FCHO1: variants seen among roughly 807,000 people sequenced by gnomAD.
FCHO1 encodes the protein F-BAR domain only protein 1.
Under a neutral mutation model 114.4 loss-of-function variants are expected in FCHO1, and 45 were observed. The observed-to-expected ratio is 0.39, with a 90% confidence interval of 0.31 to 0.50. The LOEUF is 0.50. Among genes scored for constraint, FCHO1 ranks in the 20% least tolerant of loss-of-function variants. The pLI, the probability that FCHO1 is intolerant of heterozygous loss-of-function variation, is 0.77. For synonymous variants in FCHO1, 480 were observed against 488.9 expected, an observed-to-expected ratio of 0.98 and a Z score of 0.24; for missense variants, 1,042 against 1,209.6, an observed-to-expected ratio of 0.86 and a Z score of 2.06.
At chr19:17,786,262 G>A (rs891935016) in intron 26 of FCHO1, among the ~76,000 whole-genome samples, 2 of 152,148 alleles carry the variant, frequency 1.3e-5, no homozygotes, top group East Asian at 3.8e-4. Context: ...GAACCCAGGA[G>A]GCATAGGCTG....
rs1599671807 is a variant in FCHO1, at chr19:17,770,668, TCCTGGAA to T, written c.489+96_489+102del. On this transcript the variant is annotated intron_variant, in intron 8 of 28. Transcript: ENST00000596536. The stretch of plus-strand genomic sequence containing the variant: ...GTGGAAACACATCCCAGAGCGACGG[TCCTGGAA>T]CCTGTGGGTGATCACACCCTGGGTA... The T allele has an allele frequency of 7.0e-6, 11 of 1,578,460 alleles. No individual in the cohort carries two copies. The East Asian group carries it at 2.5e-4, about 35-fold the overall frequency.
chr19:17,770,894 C>T lies in FCHO1; in HGVS notation c.592C>T (p.Leu198=), dbSNP rs1331567730. ...TGAGCAGAAGATGCTGGACTCAGCC[C>T]TGGTAAGAACCAGGCATCTGTACCT... ...DFEQKMLDSA[L]RFQAMEETHL... The change falls in exon 9 of 29, where the codon CTG becomes TTG. Residue 198 remains leucine (L), a splice_region_variant and synonymous_variant. Transcript: ENST00000596536. 3.1e-6 allele frequency: 5 copies of T among 1,613,464 alleles called. No homozygotes were observed. The highest frequency in any genetic ancestry group is 4.2e-6 in the Non-Finnish European group (5 of 1,179,734).
At chr19:17,781,374 TG>T in intron 21 of FCHO1, 31 bp downstream of exon 21, 1 of 1,609,026 alleles carries the variant, frequency 6.2e-7, no homozygotes, top group Non-Finnish European at 8.5e-7. Context: ...GGAGCTGGAC[TG>T]GGGGTCGCGT....
chr19:17,787,575 A>G, intron 27 of FCHO1, 107 bp from the exon 28 acceptor site: 1 of 1,302,882 alleles, frequency 7.7e-7, no homozygotes, highest in Non-Finnish European at 1.0e-6. Context: ...GATGGGGCAC[A>G]TAAAGGCCAC....
upstream of FCHO1, among the ~76,000 whole-genome samples, chr19:17,750,822 C>CTTTTTTTTTTTT (rs1326515643): frequency 7.0e-6 from 1 of 143,788 alleles, no homozygotes. Flanking sequence ...CTTCCCCTTT[C>CTTTTTTTTTTTT]TTTTCTTTTT....
chr19:17,756,092 A>G (rs2083387065), intron 4 of FCHO1, among the ~76,000 whole-genome samples: 1 of 152,172 alleles, frequency 6.6e-6, no homozygotes, highest in Admixed American at 6.5e-5. Flanking sequence ...GCAGTGAGGA[A>G]GCCTGTTGCT....
chr19:17,762,716 G>T (rs761157407), intron 4 of FCHO1, 46 bp from the exon 5 acceptor site: 1 of 1,408,878 alleles, frequency 7.1e-7, no homozygotes, highest in Non-Finnish European at 1.0e-6. Context: ...AAGCAACTAT[G>T]ATGTTCTCTC....
chr19:17,785,816 AGAGT>A (rs1391981342), intron 26 of FCHO1, among the ~76,000 whole-genome samples: 3 of 141,756 alleles, frequency 2.1e-5, no homozygotes, highest in Admixed American at 2.1e-4. Flanking sequence ...CCTGGGCAAC[AGAGT>A]GAGACTCCGT....
At chr19:17,773,845 ACCCTTTCCAAG>A (rs1285541932) in intron 11 of FCHO1, among the ~76,000 whole-genome samples, 53 of 148,256 alleles carry the variant, frequency 3.6e-4, no homozygotes, top group African/African-American at 1.1e-3. Context: ...AAAGTGTACT[ACCCTTTCCAAG>A]CGCAGTCTCC....
rs111855377 is a variant in FCHO1, at chr19:17,774,386, A to G, written c.836-8A>G. The G allele has an allele frequency of 5.6e-6, 9 of 1,613,874 alleles. No homozygotes were observed. In the African/African-American group the frequency reaches 8.0e-5, roughly 14 times the overall value. ...ACAGTGCTCAGGTGCCCCCCAATCT[A>G]TCCTCAGCGATGAAACGTTTGCGGG... is the stretch of plus-strand genomic sequence containing the variant. On this transcript the variant is annotated splice_polypyrimidine_tract_variant and splice_region_variant and intron_variant, in intron 12 of 28. Transcript: ENST00000596536.
chr19:17,770,421 G>T lies in FCHO1; in HGVS notation c.337-4G>T, dbSNP rs371566533. On this transcript the variant is annotated splice_region_variant and splice_polypyrimidine_tract_variant and intron_variant, in intron 7 of 28. Coordinates refer to ENST00000596536, the MANE Select transcript of FCHO1 (RefSeq NM_015122.3). The stretch of plus-strand genomic sequence containing the variant: ...TACCCATGAAATCCCCTCCTACCCC[G>T]CAGTGCAAGGAGGAAGTGGTGAGCA... 250 of 1,606,070 alleles carry T rather than the reference G, an allele frequency of 1.6e-4. No individual in the cohort carries two copies. Among genetic ancestry groups the T allele is most frequent in the Non-Finnish European group, 1.9e-4 (224 of 1,175,582 alleles).
chr19:17,772,781 A>T, intron 11 of FCHO1, 40 bp downstream of exon 11: 1 of 1,430,018 alleles, frequency 7.0e-7, no homozygotes, highest in Non-Finnish European at 9.9e-7. Context: ...CTTCGGGGCC[A>T]CAGCTGCAGA....
intron 24 of FCHO1, among the ~76,000 whole-genome samples, 190 bp downstream of exon 24, chr19:17,783,362 T>C (rs1487722224): frequency 6.8e-6 from 1 of 146,396 alleles, no homozygotes; most frequent in East Asian, 2.0e-4. Context: ...GCCTCCCGGG[T>C]TCAAGCAATT....
intron 6 of FCHO1, among the ~76,000 whole-genome samples, chr19:17,764,848 C>T (rs757609772): frequency 9.2e-5 from 14 of 151,366 alleles, no homozygotes; most frequent in Non-Finnish European, 1.5e-4. Flanking sequence ...GGCGGATCAC[C>T]GGAGGTCAGG....
intron 11 of FCHO1, among the ~76,000 whole-genome samples, chr19:17,773,910 T>C (rs2092198006): frequency 6.6e-6 from 1 of 151,846 alleles, no homozygotes; most frequent in Admixed American, 6.6e-5. Context: ...TCTCTTTTTT[T>C]TTTTTTTTTA....
intron 3 of FCHO1, 62 bp from the exon 4 acceptor site, chr19:17,755,056 T>G: frequency 9.6e-7 from 1 of 1,040,670 alleles, no homozygotes; most frequent in South Asian, 1.3e-5. Flanking sequence ...AGGGAGGGAC[T>G]TTCCCCCCAC....
Position 17,775,313 on chromosome 19 carries a change from C to T in FCHO1, c.946-143C>T, listed in dbSNP as rs2092465103. 1.1e-6 allele frequency: 1 copy of T among 909,806 alleles called. No homozygotes were observed. The highest frequency in any genetic ancestry group is 1.4e-5 in the South Asian group (1 of 70,588). The allele number at this position is 909,806 out of a possible 1,614,324, so 56.4% of individuals were successfully genotyped here. A position where few individuals can be genotyped will look rare whatever the true frequency, so the allele number is the denominator to read the frequency against. On this transcript the variant is annotated intron_variant, in intron 14 of 28. Coordinates refer to ENST00000596536, the MANE Select transcript of FCHO1 (RefSeq NM_015122.3). This position sits in a 1 kb window ranked among gnomAD's most constrained non-coding sequence, Gnocchi z 5.1. ...TTGTCCCAGGAACCTGCCCACACAC[C>T]CAGGGAAGACAGTCGTTGCCATCAG...
rs201059357 is a variant in FCHO1 at position 17,776,014 on chromosome 19, C to T, written c.1035C>T (p.Ser345=). Residue 345 remains serine, a synonymous_variant, in exon 16 of 29, where the codon AGC becomes AGT. Transcript: ENST00000596536. This position sits in a 1 kb window ranked among gnomAD's most constrained non-coding sequence, Gnocchi z 4.4. The stretch of plus-strand genomic sequence containing the variant: ...CCGAGCCCTCCCGTTTCTCGTCCAG[C>T]GACTCCGACTTCGACGATGAAGAGC... The part of the protein sequence containing the change: ...STAEPSRFSS[S]DSDFDDEEPR... 24 of 1,608,732 alleles carry T rather than the reference C, an allele frequency of 1.5e-5. No individual in the cohort carries two copies. Among genetic ancestry groups the T allele is most frequent in the Middle Eastern group, 1.6e-4 (1 of 6,084 alleles).
intron 4 of FCHO1, among the ~76,000 whole-genome samples, chr19:17,756,027 A>G (rs948966041): frequency 6.6e-6 from 1 of 152,162 alleles, no homozygotes; most frequent in Admixed American, 6.5e-5. Context: ...AGGGCCCAGG[A>G]GTCAGGGAAG....
Sources: gnomAD v4.1 joint callset for allele counts (sites outside exome capture counted in the v4.1 genomes callset) on GRCh38, gnomAD v4.1.1 for gene constraint, Gnocchi (gnomAD v3.1) non-coding constraint, MANE v1.5 for transcripts, NCBI Gene and HGNC (gene_info 2026-07-23, HGNC 2026-07-21) for gene names.